PLCG2: variants seen among roughly 807,000 people sequenced by gnomAD.
PLCG2 encodes phospholipase C gamma 2.
Under a neutral mutation model 175.6 loss-of-function variants are expected in PLCG2, and 69 were observed. That is an observed-to-expected ratio of 0.39 (90% CI 0.32 to 0.48). PLCG2 has a LOEUF of 0.48. Ranked by LOEUF, PLCG2 falls within the 20% of genes least tolerant of loss-of-function variation. PLCG2 has a pLI of 0.91. For missense variants in PLCG2, 1,798 were observed against 1,650.9 expected, an observed-to-expected ratio of 1.09 and a Z score of -1.54; for synonymous variants, 827 against 624.0, an observed-to-expected ratio of 1.33 and a Z score of -4.85.
chr16:81,814,526 C>T (rs1025643212), intron 2 of PLCG2, among the ~76,000 whole-genome samples: 9 of 152,068 alleles, frequency 5.9e-5, no homozygotes, highest in African/African-American at 1.9e-4. Flanking sequence ...AATCCCATCT[C>T]TACTAAAACA....
chr16:81,856,364 C>G (rs1782635235), intron 3 of PLCG2, among the ~76,000 whole-genome samples: 1 of 152,166 alleles, frequency 6.6e-6, no homozygotes, highest in South Asian at 2.1e-4. Flanking sequence ...GAATGTTACA[C>G]AGCCCTGAAG....
At chr16:81,951,613 C>T (rs1056901924) in intron 31 of PLCG2, among the ~76,000 whole-genome samples, 7 of 152,188 alleles carry the variant, frequency 4.6e-5, no homozygotes, top group Middle Eastern at 3.2e-3. Flanking sequence ...AAAGATAGTA[C>T]TCCTAGCTTT....
At chr16:81,758,459 C>T (rs1909973762) in intron 2 of PLCG2, among the ~76,000 whole-genome samples, 1 of 152,094 alleles carries the variant, frequency 6.6e-6, no homozygotes, top group Non-Finnish European at 1.5e-5. Context: ...CTGCTGTTAA[C>T]ATTTATGTGT....
upstream of PLCG2, among the ~76,000 whole-genome samples, chr16:81,774,946 A>T (rs186369288): frequency 6.8e-3 from 1,034 of 152,042 alleles, 8 homozygotes; most frequent in Non-Finnish European, 9.0e-3. Context: ...AGGTCTCATC[A>T]TGTTGTCCAG....
At chr16:81,755,360 C>G (rs142674280) in intron 1 of PLCG2, among the ~76,000 whole-genome samples, 3 of 135,636 alleles carry the variant, frequency 2.2e-5, no homozygotes, top group African/African-American at 8.2e-5. Context: ...CCATGCCTGG[C>G]TAATTTTGTA....
intron 1 of PLCG2, among the ~76,000 whole-genome samples, chr16:81,753,887 G>A (rs1017986261): frequency 3.3e-5 from 5 of 152,156 alleles, no homozygotes; most frequent in Non-Finnish European, 4.4e-5. Flanking sequence ...AAGTGGCTGC[G>A]GAGGTGAGAC....
intron 13 of PLCG2, among the ~76,000 whole-genome samples, chr16:81,899,289 T>TATATATATATATACACACACAC (rs908648451): frequency 1.1e-5 from 1 of 92,418 alleles, no homozygotes; most frequent in African/African-American, 3.8e-5. Flanking sequence ...TATATATATA[T>TATATATATATATACACACACAC]ACACACACAC....
rs747616797 is a variant in PLCG2 at position 81,919,474 on chromosome 16, C to A, written c.2055-10C>A. On this transcript the variant is annotated splice_polypyrimidine_tract_variant and intron_variant, in intron 19 of 32. Coordinates refer to ENST00000564138, the MANE Select transcript of PLCG2 (RefSeq NM_002661.5). ...CTTGGCATGTCAACCCTGTGTTCTT[C>A]CTGCTCCAGGGCTAGGGGCAAGGTA... 1.4e-5 allele frequency: 23 copies of A among 1,609,886 alleles called. No individual in the cohort carries two copies. The highest frequency in any genetic ancestry group is 8.0e-5 in the African/African-American group (6 of 74,850).
chr16:81,769,110 A>G (rs1910216803), intron 2 of PLCG2, among the ~76,000 whole-genome samples: 1 of 152,206 alleles, frequency 6.6e-6, no homozygotes, highest in Non-Finnish European at 1.5e-5. Flanking sequence ...CTATTGAAAC[A>G]GTGCTTAAGG....
chr16:81,938,259 T>C (rs1910798562), intron 28 of PLCG2, among the ~76,000 whole-genome samples: 1 of 152,160 alleles, frequency 6.6e-6, no homozygotes, highest in Non-Finnish European at 1.5e-5. Context: ...TTCCCTTACT[T>C]TGTCCAATTC....
At chr16:81,826,266 C>G (rs1905044530) in intron 2 of PLCG2, among the ~76,000 whole-genome samples, 1 of 152,174 alleles carries the variant, frequency 6.6e-6, no homozygotes, top group African/African-American at 2.4e-5. Flanking sequence ...TGGAGATGTG[C>G]TTCCCTCTGC....
At chr16:81,875,923 C>T (rs949508099) in intron 7 of PLCG2, among the ~76,000 whole-genome samples, 2 of 150,924 alleles carry the variant, frequency 1.3e-5, no homozygotes, top group African/African-American at 4.9e-5. Context: ...GCTCAGAGAT[C>T]TTGCAGTTTA....
intron 2 of PLCG2, among the ~76,000 whole-genome samples, chr16:81,833,700 T>C (rs1178209950): frequency 1.3e-5 from 2 of 151,620 alleles, no homozygotes; most frequent in Non-Finnish European, 2.9e-5. Flanking sequence ...TGGCTAATTA[T>C]TATATATATT....
chr16:81,781,344 G>C (rs996949440), intron 1 of PLCG2, among the ~76,000 whole-genome samples: 1 of 151,794 alleles, frequency 6.6e-6, no homozygotes, highest in Admixed American at 6.6e-5. Flanking sequence ...TGGCTACTGA[G>C]CGTTCTTCAG....
In PLCG2 at chr16:81,908,712, A is replaced by G. The variant is rs530303736; in HGVS notation, c.1733+121A>G. The stretch of plus-strand genomic sequence containing the variant: ...GGCTGGGACCTGAATCCCAGGCTTC[A>G]TTTGTCTAGCTCTTCTAGGCCGGGA... On this transcript the variant is annotated intron_variant, in intron 17 of 32. Transcript: ENST00000564138. 2.9e-5 allele frequency: 24 copies of G among 826,698 alleles called. No individual in the cohort carries two copies. In the East Asian group the frequency reaches 3.6e-4, roughly 12 times the overall value. 51.2% of individuals were successfully genotyped at this position (826,698 alleles called of 1,614,324 possible).
At chr16:81,874,616 C>G (rs1907676372) in intron 7 of PLCG2, among the ~76,000 whole-genome samples, 2 of 152,194 alleles carry the variant, frequency 1.3e-5, no homozygotes, top group Admixed American at 1.3e-4. Context: ...CTGGATTTCT[C>G]AGGCTCCTGC....
chr16:81,961,333 T>C lies in PLCG2; in HGVS notation c.*3335T>C, dbSNP rs116080155. The stretch of plus-strand genomic sequence containing the variant: ...TTAAGATGTTATCAATCTACATAGA[T>C]GAAATAATTGTGGAGAAAAGCCCTC... On this transcript the variant is annotated 3_prime_UTR_variant, in exon 33 of 33. Coordinates refer to ENST00000564138, the MANE Select transcript of PLCG2 (RefSeq NM_002661.5). 2 of 225,208 alleles carry C rather than the reference T, an allele frequency of 8.9e-6. No homozygotes were observed. Among genetic ancestry groups the C allele is most frequent in the Non-Finnish European group, 1.8e-5 (2 of 113,254 alleles). 14.0% of individuals were successfully genotyped at this position (225,208 alleles called of 1,614,324 possible).
intron 24 of PLCG2, 116 bp from the exon 25 acceptor site, chr16:81,931,381 C>G: frequency 1.1e-6 from 1 of 913,572 alleles, no homozygotes; most frequent in Non-Finnish European, 1.7e-6. Flanking sequence ...CAGTGCTAAC[C>G]GTGGTCATAG....
intron 28 of PLCG2, 142 bp from the exon 29 acceptor site, chr16:81,938,659 C>T: frequency 3.3e-6 from 2 of 608,426 alleles, no homozygotes; most frequent in South Asian, 2.0e-5. Flanking sequence ...CAGAAGGTTG[C>T]TCCGGCTTTT....
Sources: gnomAD v4.1 joint callset for allele counts (sites outside exome capture counted in the v4.1 genomes callset) on GRCh38, gnomAD v4.1.1 for gene constraint, MANE v1.5 for transcripts, NCBI Gene and HGNC (gene_info 2026-07-23, HGNC 2026-07-21) for gene names.